The following CCDC201 variants were observed in gnomAD, a reference collection of about 807,000 sequenced individuals.
The protein encoded by CCDC201 is coiled-coil domain-containing protein 201.
Position 45,861,903 on chromosome 7 carries a change from TAA to T in CCDC201, c.*1180_*1181del, listed in dbSNP as rs1006735763. 7 of 152,244 alleles carry T rather than the reference TAA, an allele frequency of 4.6e-5. No individual in the cohort carries two copies. The East Asian group carries it at 1.3e-3, about 29-fold the overall frequency. The allele number at this position is 152,244 out of a possible 1,614,324, so 9.4% of individuals were successfully genotyped here. A position where few individuals can be genotyped will look rare whatever the true frequency, so the allele number is the denominator to read the frequency against. On this transcript the variant is annotated 3_prime_UTR_variant, in exon 3 of 3. Transcript: ENST00000636578. ...TGGATGATGCAAACATTTATATGAA[TAA>T]ACTCTAGCTCTGTATTTAGTAACCA...
the CCDC201 span, among the ~76,000 whole-genome samples, chr7:45,882,286 C>A: frequency 0.076 from 11,508 of 152,192 alleles, 715 homozygotes; most frequent in African/African-American, 0.17. Flanking sequence ...GAGGTCCCAG[C>A]CTCTGCCGTT....
chr7:45,873,671 AG>A (rs1786766719), upstream of CCDC201, among the ~76,000 whole-genome samples: 1 of 152,222 alleles, frequency 6.6e-6, no homozygotes, highest in African/African-American at 2.4e-5. Context: ...CACGAATGAA[AG>A]GCAACACGTG....
the CCDC201 span, among the ~76,000 whole-genome samples, chr7:45,881,446 C>T: frequency 6.6e-6 from 1 of 152,224 alleles, no homozygotes; most frequent in East Asian, 1.9e-4. Context: ...TCCTAGGCGG[C>T]TTGCCTAGTA....
intron 2 of CCDC201, 146 bp from the exon 3 acceptor site, chr7:45,863,317 C>T (rs563625707): frequency 6.6e-6 from 1 of 152,380 alleles, no homozygotes; most frequent in Admixed American, 6.5e-5. Context: ...TGCCTGTGTG[C>T]TTCAAACATA....
the CCDC201 span, among the ~76,000 whole-genome samples, chr7:45,881,326 A>G: frequency 6.6e-6 from 1 of 151,950 alleles, no homozygotes; most frequent in African/African-American, 2.4e-5. Flanking sequence ...CTTCCCTCAA[A>G]TGTGTCCATT....
At chr7:45,870,706 G>C (rs927073157) in intron 1 of CCDC201, among the ~76,000 whole-genome samples, 1 of 151,978 alleles carries the variant, frequency 6.6e-6, no homozygotes, top group Admixed American at 6.6e-5. Flanking sequence ...CAGAAAATCA[G>C]AAATAAAGTA....
chr7:45,883,655 T>C, the CCDC201 span, among the ~76,000 whole-genome samples: 1 of 152,228 alleles, frequency 6.6e-6, no homozygotes, highest in African/African-American at 2.4e-5. Context: ...ACTTTTCTTA[T>C]CTGTCTCTAA....
At position 45,871,847 on chromosome 7, in the gene CCDC201, T is replaced by C. The variant is rs77445261; in HGVS notation, c.18+1143A>G. On this transcript the variant is annotated intron_variant, in intron 1 of 2. Coordinates refer to ENST00000636578, the Ensembl canonical transcript of CCDC201. ...GAAACCAAATTCCCATTTGGTTTTATCTATCGGACTTCAAAAATTTAGAAG... is the reference window on the plus strand; with the variant it reads ...GAAACCAAATTCCCATTTGGTTTTACCTATCGGACTTCAAAAATTTAGAAG... 9.9e-3 allele frequency among the ~76,000 whole-genome samples: 1,512 copies of C among 152,292 alleles called. 24 individuals carry two copies. The highest frequency in any genetic ancestry group is 0.034 in the African/African-American group (1,422 of 41,544).
At chr7:45,880,531 C>T in the CCDC201 span, among the ~76,000 whole-genome samples, 46 of 151,856 alleles carry the variant, frequency 3.0e-4, no homozygotes, top group African/African-American at 1.1e-3. Flanking sequence ...GGTGATGGCA[C>T]CCCAGGTGAT....
At chr7:45,883,601 G>A in the CCDC201 span, among the ~76,000 whole-genome samples, 22,169 of 152,136 alleles carry the variant, frequency 0.15, 1,890 homozygotes, top group East Asian at 0.26. Context: ...CAGGGAGTCC[G>A]AGGGGCCTTG....
chr7:45,871,447 C>T (rs540332992), intron 1 of CCDC201, among the ~76,000 whole-genome samples: 9 of 151,964 alleles, frequency 5.9e-5, no homozygotes, highest in African/African-American at 2.2e-4. Flanking sequence ...CAAGATAACT[C>T]CAAGTGGATT....
chr7:45,881,404 C>T, the CCDC201 span, among the ~76,000 whole-genome samples: 1 of 152,216 alleles, frequency 6.6e-6, no homozygotes, highest in African/African-American at 2.4e-5. Context: ...TTTGTGAACC[C>T]ATGGCCTCAG....
At chr7:45,876,707 G>A (rs567453884), upstream of CCDC201, among the ~76,000 whole-genome samples, 22 of 152,370 alleles carry the variant, frequency 1.4e-4, no homozygotes, top group African/African-American at 5.3e-4. Context: ...TTTCCACACA[G>A]TGGTGTTAGC....
At chr7:45,877,261 A>G (rs1252413108), upstream of CCDC201, among the ~76,000 whole-genome samples, 1 of 151,974 alleles carries the variant, frequency 6.6e-6, no homozygotes, top group Non-Finnish European at 1.5e-5. Flanking sequence ...TTCCATTTCC[A>G]TTGAATATAT....
chr7:45,876,890 G>T (rs1378811053), upstream of CCDC201, among the ~76,000 whole-genome samples: 2 of 152,206 alleles, frequency 1.3e-5, no homozygotes, highest in South Asian at 4.1e-4. Context: ...CTCTCACTGC[G>T]CAGGACACAC....
At chr7:45,872,248 C>A (rs1055996698) in intron 1 of CCDC201, among the ~76,000 whole-genome samples, 2 of 152,162 alleles carry the variant, frequency 1.3e-5, no homozygotes, top group African/African-American at 4.8e-5. Flanking sequence ...GCACGGGAAA[C>A]TAGGAATGGG....
At chr7:45,880,001 A>T in the CCDC201 span, among the ~76,000 whole-genome samples, 27 of 152,112 alleles carry the variant, frequency 1.8e-4, no homozygotes, top group African/African-American at 6.5e-4. Context: ...CAGGAGAATC[A>T]CTTGAATCTG....
exon 3 of CCDC201, chr7:45,863,029 C>A (rs1460794774): frequency 6.6e-6 from 1 of 152,236 alleles, no homozygotes; most frequent in African/African-American, 2.4e-5. Flanking sequence ...ACGATGAAGC[C>A]AGCCCAAGGC....
chr7:45,875,583 G>A (rs1034983646), upstream of CCDC201, among the ~76,000 whole-genome samples: 5 of 152,054 alleles, frequency 3.3e-5, no homozygotes, highest in South Asian at 2.1e-4. Context: ...TAATTGTTTC[G>A]CATTTTTTCT....
Sources: allele counts gnomAD v4.1 joint callset (sites outside exome capture counted in the v4.1 genomes callset), GRCh38; gene constraint gnomAD v4.1.1; transcripts MANE v1.5; gene names NCBI Gene and HGNC (gene_info 2026-07-23, HGNC 2026-07-21).